Variants in CSMD2 observed in about 807,000 individuals in gnomAD.
The protein encoded by CSMD2 is CUB and sushi domain-containing protein 2.
A neutral mutation model predicts 398.5 loss-of-function variants in CSMD2; 130 were observed. That is an observed-to-expected ratio of 0.33 (90% CI 0.28 to 0.38). CSMD2 has a LOEUF of 0.38. Ranked by LOEUF, CSMD2 falls within the 10% of genes least tolerant of loss-of-function variation. The pLI, the probability that CSMD2 is intolerant of heterozygous loss-of-function variation, is 1.00. For synonymous variants in CSMD2, 1,828 were observed against 1,908.5 expected (o/e 0.96, Z 1.10); for missense variants, 3,829 against 4,764.9 (o/e 0.80, Z 5.78).
At chr1:33,856,182 G>C (rs1246136240) in intron 5 of CSMD2, among the ~76,000 whole-genome samples, 1 of 152,198 alleles carries the variant, frequency 6.6e-6, no homozygotes, top group Admixed American at 6.5e-5. Context: ...TTTGAGAAGA[G>C]GTGGTGGGAT....
intron 32 of CSMD2, among the ~76,000 whole-genome samples, chr1:33,627,347 C>A (rs1203820106): frequency 2.6e-5 from 4 of 152,128 alleles, no homozygotes; most frequent in Non-Finnish European, 5.9e-5. Flanking sequence ...ACAGCACCAA[C>A]TGGACCTGCA....
At chr1:34,143,777 C>T (rs971471373) in intron 1 of CSMD2, among the ~76,000 whole-genome samples, 2 of 152,212 alleles carry the variant, frequency 1.3e-5, no homozygotes, top group African/African-American at 4.8e-5. Flanking sequence ...CTCCAGCCTG[C>T]TCCTCTTGCC....
intron 3 of CSMD2, among the ~76,000 whole-genome samples, chr1:33,954,843 CAG>C (rs1645114186): frequency 6.6e-6 from 1 of 152,008 alleles, no homozygotes; most frequent in African/African-American, 2.4e-5. Context: ...ACTAAAGGGT[CAG>C]AGTTTCAGCT....
intron 5 of CSMD2, among the ~76,000 whole-genome samples, chr1:33,913,340 A>G (rs1024820516): frequency 6.6e-6 from 1 of 152,126 alleles, no homozygotes; most frequent in Non-Finnish European, 1.5e-5. Context: ...GGCTAGATAG[A>G]GTCAGGGCAG....
chr1:33,658,964 T>C (rs1644038265), intron 26 of CSMD2, among the ~76,000 whole-genome samples: 1 of 152,218 alleles, frequency 6.6e-6, no homozygotes, highest in African/African-American at 2.4e-5. Context: ...GTTGTGAGGT[T>C]ACCGGGAGTT....
At chr1:33,583,208 T>G (rs1413773636) in intron 47 of CSMD2, among the ~76,000 whole-genome samples, 14 of 152,262 alleles carry the variant, frequency 9.2e-5, no homozygotes, top group Admixed American at 9.2e-4. Flanking sequence ...CTATGAATTT[T>G]TAGGGTCCAG....
intron 3 of CSMD2, among the ~76,000 whole-genome samples, chr1:33,949,877 C>T (rs868403034): frequency 2.8e-4 from 42 of 152,136 alleles, no homozygotes; most frequent in Admixed American, 2.6e-3. Context: ...TTGCTACTTT[C>T]GGGCTTCTCT....
intron 1 of CSMD2, among the ~76,000 whole-genome samples, chr1:34,154,386 C>G (rs1057068262): frequency 6.6e-6 from 1 of 152,186 alleles, no homozygotes; most frequent in African/African-American, 2.4e-5. Flanking sequence ...AATCTTCCAT[C>G]ATATAGTCCA....
intron 13 of CSMD2, among the ~76,000 whole-genome samples, chr1:33,760,312 G>A (rs1481113594): frequency 1.3e-5 from 2 of 152,152 alleles, no homozygotes; most frequent in African/African-American, 2.4e-5. Context: ...GCATTCCTCA[G>A]TGGCTGGCTG....
chr1:33,769,315 A>G (rs1650954677), intron 13 of CSMD2, among the ~76,000 whole-genome samples: 1 of 152,244 alleles, frequency 6.6e-6, no homozygotes, highest in Admixed American at 6.5e-5. Flanking sequence ...CAGAGACTGA[A>G]CAACTCTGAA....
At chr1:33,619,551 CTG>C (rs1366741961) in intron 37 of CSMD2, among the ~76,000 whole-genome samples, 1 of 152,172 alleles carries the variant, frequency 6.6e-6, no homozygotes, top group Non-Finnish European at 1.5e-5. Context: ...AATGCAAAAA[CTG>C]TGCATGAACA....
chr1:34,030,188 T>C (rs1317483676), intron 3 of CSMD2, among the ~76,000 whole-genome samples: 3 of 152,224 alleles, frequency 2.0e-5, no homozygotes, highest in African/African-American at 7.2e-5. Flanking sequence ...GAAACTGAAT[T>C]TTAAATTCTA....
Position 33,772,588 on chromosome 1 carries a change from A to G in CSMD2, c.1827T>C (p.Ala609=), listed in dbSNP as rs1432899914. The G allele has an allele frequency of 3.1e-6, 5 of 1,613,572 alleles. No homozygotes were observed. The highest frequency in any genetic ancestry group is 3.3e-5 in the Admixed American group (2 of 59,988). The change falls in exon 13 of 71, where the codon GCT becomes GCC. Residue 609 remains alanine (A), a synonymous_variant. Coordinates refer to ENST00000373381, the MANE Select transcript of CSMD2 (RefSeq NM_001281956.2). ...ITCQKNNQWS[A]KKPGCVFSCF... Reference sequence around the variant, plus strand: ...ACTTACACACGCAGCCTGGCTTCTTAGCCGACCATTGGTTATTCTTTTGGC... The same window carrying G: ...ACTTACACACGCAGCCTGGCTTCTTGGCCGACCATTGGTTATTCTTTTGGC...
At chr1:34,128,358 C>T (rs1468875887) in intron 1 of CSMD2, among the ~76,000 whole-genome samples, 1 of 152,144 alleles carries the variant, frequency 6.6e-6, no homozygotes, top group African/African-American at 2.4e-5. Flanking sequence ...TTGTGGGAAT[C>T]CCATGTCCTT....
At chr1:33,714,879 C>A in intron 20 of CSMD2, 104 bp from the exon 21 acceptor site, 1 of 1,108,554 alleles carries the variant, frequency 9.0e-7, no homozygotes, top group Non-Finnish European at 1.3e-6. Context: ...GGGCCAGGGA[C>A]AACGAAAGAC....
chr1:34,005,948 T>TCATC (rs1455625214), intron 3 of CSMD2, among the ~76,000 whole-genome samples: 1 of 152,232 alleles, frequency 6.6e-6, no homozygotes, highest in African/African-American at 2.4e-5. Context: ...ACTATTTTGC[T>TCATC]CATCCACCCC....
intron 68 of CSMD2, among the ~76,000 whole-genome samples, chr1:33,521,161 G>A (rs1009352062): frequency 1.3e-5 from 2 of 152,218 alleles, no homozygotes; most frequent in Admixed American, 1.3e-4. Flanking sequence ...CCCAGGGCTG[G>A]CTGGAGGGTG....
intron 25 of CSMD2, among the ~76,000 whole-genome samples, chr1:33,671,025 T>C (rs1644479618): frequency 6.6e-6 from 1 of 151,068 alleles, no homozygotes. Context: ...GCAGAGAAAA[T>C]AGGGTATGCA....
At chr1:33,779,548 C>G (rs945532671) in intron 12 of CSMD2, among the ~76,000 whole-genome samples, 1 of 152,218 alleles carries the variant, frequency 6.6e-6, no homozygotes, top group Non-Finnish European at 1.5e-5. Flanking sequence ...CAGAGCCCAG[C>G]CGCCCCTCAG....
Sources: allele counts gnomAD v4.1 joint callset (sites outside exome capture counted in the v4.1 genomes callset), GRCh38; gene constraint gnomAD v4.1.1; transcripts MANE v1.5; gene names NCBI Gene and HGNC (gene_info 2026-07-23, HGNC 2026-07-21).